The following NDC1 variants were observed in gnomAD, a reference collection of about 807,000 sequenced individuals.
The protein encoded by NDC1 is NDC1 transmembrane nucleoporin.
NDC1 carries 24 observed loss-of-function variants against 89.8 expected under a neutral mutation model. The observed-to-expected ratio is 0.27, with a 90% CI of 0.19 to 0.38. NDC1 has a LOEUF of 0.38. Ranked by LOEUF, NDC1 falls within the 10% of genes least tolerant of loss-of-function variation. The pLI is 1.00. For synonymous variants in NDC1, 296 were observed against 284.8 expected (o/e 1.04, Z -0.39); for missense variants, 728 against 797.6 (o/e 0.91, Z 1.05).
intron 8 of NDC1, among the ~76,000 whole-genome samples, chr1:53,807,098 T>C (rs1648133416): frequency 6.6e-6 from 1 of 151,566 alleles, no homozygotes; most frequent in South Asian, 2.1e-4. Flanking sequence ...TCAAAAAAAA[T>C]TAGCCGGGCA....
intron 4 of NDC1, among the ~76,000 whole-genome samples, chr1:53,826,357 C>T (rs141121594): frequency 6.6e-6 from 1 of 152,324 alleles, no homozygotes; most frequent in Non-Finnish European, 1.5e-5. Flanking sequence ...AGAGATGCTA[C>T]TGGATTTTGT....
rs927061174 is a variant in NDC1, at chr1:53,788,502, A to G, written c.1699+631T>C. Among the ~76,000 whole-genome samples, 12 of 152,036 alleles carry G rather than the reference A, an allele frequency of 7.9e-5. No individual in the cohort carries two copies. The East Asian group carries it at 2.1e-3, about 27-fold the overall frequency. ...GAGTGCAGTGGTGTGATATCAACTC[A>G]CTGCAACCTCTGCCTCCTGGGTTCA... On this transcript the variant is annotated intron_variant, in intron 15 of 17. Coordinates refer to ENST00000371429, the MANE Select transcript of NDC1 (RefSeq NM_018087.5).
At chr1:53,833,752 GAAATAA>G (rs1649142353) in intron 2 of NDC1, among the ~76,000 whole-genome samples, 2 of 151,378 alleles carry the variant, frequency 1.3e-5, no homozygotes. Flanking sequence ...AAATATGAAT[GAAATAA>G]AAATAAGAGC....
chr1:53,779,953 C>T (rs1037313807), intron 16 of NDC1, among the ~76,000 whole-genome samples: 16 of 152,128 alleles, frequency 1.1e-4, no homozygotes, highest in Non-Finnish European at 2.1e-4. Context: ...TTCCTCCTTC[C>T]AACCCCTACA....
At chr1:53,786,067 G>T (rs1377308972) in intron 16 of NDC1, among the ~76,000 whole-genome samples, 1 of 152,104 alleles carries the variant, frequency 6.6e-6, no homozygotes, top group East Asian at 1.9e-4. Context: ...TGGGACTACA[G>T]GCTCACACCA....
intron 16 of NDC1, among the ~76,000 whole-genome samples, chr1:53,772,702 AT>A (rs1647126850): frequency 6.6e-6 from 1 of 151,846 alleles, no homozygotes; most frequent in Non-Finnish European, 1.5e-5. Context: ...ATAACATAAC[AT>A]AACATAACAT....
In NDC1 at chr1:53,765,530, C is replaced by T. The variant is rs1414052723; in HGVS notation, c.*2440G>A. Reference sequence around the variant, plus strand: ...TACCCAATCCAGTATCAACGATATACAAAAGGATATAAACAGACTATCATG... The same window carrying T: ...TACCCAATCCAGTATCAACGATATATAAAAGGATATAAACAGACTATCATG... On this transcript the variant is annotated 3_prime_UTR_variant, in exon 18 of 18. Transcript: ENST00000371429. The T allele has an allele frequency of 6.6e-6, 1 of 151,814 alleles. No individual in the cohort carries two copies. Among genetic ancestry groups the T allele is most frequent in the Non-Finnish European group, 1.5e-5 (1 of 67,994 alleles). The allele number at this position is 151,814 out of a possible 1,614,324, so 9.4% of individuals were successfully genotyped here. A position where few individuals can be genotyped will look rare whatever the true frequency, so the allele number is the denominator to read the frequency against.
intron 5 of NDC1, among the ~76,000 whole-genome samples, chr1:53,822,344 C>T (rs1648701137): frequency 6.6e-6 from 1 of 151,962 alleles, no homozygotes; most frequent in Non-Finnish European, 1.5e-5. Context: ...CAAAAAAAAG[C>T]CTCAAATTTT....
chr1:53,815,051 T>G (rs971280394), intron 6 of NDC1, among the ~76,000 whole-genome samples: 3 of 152,182 alleles, frequency 2.0e-5, no homozygotes, highest in African/African-American at 7.2e-5. Context: ...GTACCAATCC[T>G]TTTGACACTA....
intron 16 of NDC1, among the ~76,000 whole-genome samples, chr1:53,781,010 C>T (rs1316156415): frequency 6.6e-6 from 1 of 151,940 alleles, no homozygotes; most frequent in African/African-American, 2.4e-5. Context: ...AGCATCATCA[C>T]ACCTGGCAAA....
At chr1:53,820,957 T>C (rs1048976984) in intron 5 of NDC1, among the ~76,000 whole-genome samples, 9 of 151,630 alleles carry the variant, frequency 5.9e-5, no homozygotes, top group African/African-American at 2.2e-4. Context: ...CTGCCCACCT[T>C]GACCTCCCAA....
intron 10 of NDC1, among the ~76,000 whole-genome samples, chr1:53,802,879 T>C (rs1330541405): frequency 2.6e-5 from 4 of 152,172 alleles, no homozygotes; most frequent in African/African-American, 7.2e-5. Flanking sequence ...TCCTAATTTT[T>C]TTTTAAAAGG....
At chr1:53,835,727 T>A in intron 1 of NDC1, 107 bp from the exon 2 acceptor site, 1 of 933,450 alleles carries the variant, frequency 1.1e-6, no homozygotes, top group Non-Finnish European at 1.6e-6. Flanking sequence ...CAGATCATAA[T>A]CCGTAACTCA....
At chr1:53,795,378 T>G (rs1647662797) in intron 13 of NDC1, among the ~76,000 whole-genome samples, 1 of 152,160 alleles carries the variant, frequency 6.6e-6, no homozygotes, top group Non-Finnish European at 1.5e-5. Context: ...TCCCCTACAC[T>G]ACCGCTATAT....
At chr1:53,826,436 A>T (rs1355708659) in intron 4 of NDC1, among the ~76,000 whole-genome samples, 1 of 152,100 alleles carries the variant, frequency 6.6e-6, no homozygotes, top group Non-Finnish European at 1.5e-5. Context: ...TCCTCCTTGT[A>T]GCTGAGTGGT....
At position 53,806,502 on chromosome 1, in the gene NDC1, C is replaced by A; in HGVS notation, c.907G>T (p.Val303Phe). ...GACCCTTCTGCAAATGGTGGTTGAA[C>A]AGGAAACACATGAGCCTATCAAATA... is the stretch of plus-strand genomic sequence containing the variant. ...IYATEAHVFP[V>F]QPPFAEGSDE... Residue 303 changes from valine (V) to phenylalanine (F), a missense_variant, in exon 9 of 18, where the codon GTT (valine) becomes TTT (phenylalanine). By Grantham distance (50) the Val-to-Phe change is conservative. Transcript: ENST00000371429. 6.6e-7 allele frequency: 1 copy of A among 1,514,398 alleles called. No individual in the cohort carries two copies. Among genetic ancestry groups the A allele is most frequent in the Non-Finnish European group, 8.8e-7 (1 of 1,137,988 alleles). The allele number at this position is 1,514,398 out of a possible 1,614,324, so 93.8% of individuals were successfully genotyped here.
chr1:53,801,534 C>T (rs1423065566), intron 10 of NDC1, among the ~76,000 whole-genome samples: 1 of 152,144 alleles, frequency 6.6e-6, no homozygotes, highest in African/African-American at 2.4e-5. Context: ...CTCCATTATG[C>T]GTTAATAGCA....
rs554362226 is a variant in NDC1, at chr1:53,820,903, G to C, written c.595-1824C>G. Among the ~76,000 whole-genome samples, 19 of 151,150 alleles carry C rather than the reference G, an allele frequency of 1.3e-4. No individual in the cohort carries two copies. In the South Asian group the frequency reaches 3.2e-3, roughly 25 times the overall value. On this transcript the variant is annotated intron_variant, in intron 5 of 17. Transcript: ENST00000371429. ...ATATTTTCAGTAGAGATGGGGTTTT[G>C]CCATATTGCCCAGGCTGCTCTCAAA... is the stretch of plus-strand genomic sequence containing the variant.
chr1:53,802,293 A>C (rs1482137993), intron 10 of NDC1, among the ~76,000 whole-genome samples: 2 of 152,140 alleles, frequency 1.3e-5, no homozygotes, highest in Admixed American at 6.6e-5. Flanking sequence ...TATAACATTT[A>C]ACTATAGAAG....
Sources: allele counts gnomAD v4.1 joint callset (sites outside exome capture counted in the v4.1 genomes callset), GRCh38; gene constraint gnomAD v4.1.1; transcripts MANE v1.5; gene names NCBI Gene and HGNC (gene_info 2026-07-23, HGNC 2026-07-21).